The following ANKRD44 variants were observed in gnomAD, a reference collection of about 807,000 sequenced individuals.
ANKRD44 encodes serine/threonine-protein phosphatase 6 regulatory ankyrin repeat subunit B.
A neutral mutation model predicts 116.0 loss-of-function variants in ANKRD44; 35 were observed. The observed-to-expected ratio is 0.30, with a 90% confidence interval of 0.23 to 0.40. The LOEUF is 0.40. ANKRD44 is among the 10% of genes least tolerant of loss of function. ANKRD44 has a pLI of 1.00. For missense variants in ANKRD44, 1,014 were observed against 1,242.6 expected, an observed-to-expected ratio of 0.82 and a Z score of 2.77; for synonymous variants, 435 against 461.8, an observed-to-expected ratio of 0.94 and a Z score of 0.74.
At chr2:197,218,341 C>G (rs2125717165) in intron 1 of ANKRD44, among the ~76,000 whole-genome samples, 1 of 152,346 alleles carries the variant, frequency 6.6e-6, no homozygotes, top group South Asian at 2.1e-4. Flanking sequence ...CCCCTCCATT[C>G]TCCAGGGATG....
chr2:197,119,638 A>G (rs80239519), intron 8 of ANKRD44, among the ~76,000 whole-genome samples: 2,014 of 152,338 alleles, frequency 0.013, 19 homozygotes, highest in Non-Finnish European at 0.017. Flanking sequence ...GTGAAAAAAT[A>G]TAAGATTTTA....
At chr2:197,096,725 GCCTATTTTTCT>G (rs1486617528) in intron 10 of ANKRD44, among the ~76,000 whole-genome samples, 1 of 152,168 alleles carries the variant, frequency 6.6e-6, no homozygotes, top group South Asian at 2.1e-4. Context: ...TCTATGAAAG[GCCTATTTTTCT>G]CCTCTTTAAT....
At chr2:197,000,567 A>G (rs552297505) in intron 22 of ANKRD44, 65 bp from the exon 23 acceptor site, 14 of 1,253,546 alleles carry the variant, frequency 1.1e-5, no homozygotes, top group Admixed American at 1.7e-5. Context: ...CTCCTAACCC[A>G]TCTTCCTATG....
intron 1 of ANKRD44, among the ~76,000 whole-genome samples, chr2:197,241,153 C>G (rs2082082615): frequency 6.6e-6 from 1 of 151,964 alleles, no homozygotes; most frequent in Admixed American, 6.6e-5. Flanking sequence ...AGGGGAATGT[C>G]CTATAACCAG....
At chr2:197,003,982 A>AAC (rs368951897) in intron 21 of ANKRD44, among the ~76,000 whole-genome samples, 5,913 of 151,062 alleles carry the variant, frequency 0.039, 134 homozygotes, top group South Asian at 0.059. Flanking sequence ...ATATAATTAG[A>AAC]ACACACACAC....
At chr2:196,967,346 G>T (rs761614974) in exon 22 of ANKRD44, 1 of 455,402 alleles carries the variant, frequency 2.2e-6, no homozygotes, top group Non-Finnish European at 4.6e-6. Context: ...AACCCTTTGC[G>T]TTCTGTGGCT....
chr2:197,177,317 T>C (rs1198731492), intron 2 of ANKRD44, among the ~76,000 whole-genome samples: 2 of 152,220 alleles, frequency 1.3e-5, no homozygotes, highest in Non-Finnish European at 2.9e-5. Context: ...AATGTGATGA[T>C]GGTAGAAGAA....
Position 197,001,745 on chromosome 2 carries a change from C to T in ANKRD44, c.2435+8G>A. On this transcript the variant is annotated splice_region_variant and intron_variant, in intron 22 of 27. Transcript: ENST00000282272. ...GCAACATCATTAACTCTCAGCGTTT[C>T]TACTTACATTGCACAGTGCAGTGGA... 1 of 1,592,628 alleles carries T rather than the reference C, an allele frequency of 6.3e-7. No individual in the cohort carries two copies.
At chr2:197,218,825 T>C (rs2081515809) in intron 1 of ANKRD44, among the ~76,000 whole-genome samples, 1 of 134,084 alleles carries the variant, frequency 7.5e-6, no homozygotes, top group East Asian at 2.5e-4. Flanking sequence ...AGTGACACAA[T>C]CTTGGCCCAC....
At chr2:197,229,611 T>G (rs1010487121) in intron 1 of ANKRD44, among the ~76,000 whole-genome samples, 19 of 152,252 alleles carry the variant, frequency 1.2e-4, no homozygotes, top group African/African-American at 4.6e-4. Flanking sequence ...AGATAATATT[T>G]ATAAGCACTT....
chr2:197,084,052 A>AT (rs1031928866), intron 13 of ANKRD44, among the ~76,000 whole-genome samples: 2 of 152,036 alleles, frequency 1.3e-5, no homozygotes, highest in African/African-American at 2.4e-5. Context: ...TAAATGAAGA[A>AT]TTTTTTTTAA....
chr2:197,153,225 C>CA lies in ANKRD44; in HGVS notation c.112-6121dup, dbSNP rs75600123. On this transcript the variant is annotated intron_variant, in intron 2 of 27. Transcript: ENST00000282272. ...TCTGGGTGACAGAGCAAGACCCTGC[C>CA]AAAAAAAAAAAAAAAAAAAAAAGAA... is the stretch of plus-strand genomic sequence containing the variant. 4.6e-3 allele frequency among the ~76,000 whole-genome samples: 320 copies of CA among 69,308 alleles called. 18 individuals are homozygous for CA. The highest frequency in any genetic ancestry group is 0.016 in the African/African-American group (274 of 16,790). The allele number at this position is 69,308 out of a possible 152,430, so 45.5% of individuals were successfully genotyped here. A position where few individuals can be genotyped will look rare whatever the true frequency, so the allele number is the denominator to read the frequency against.
At chr2:197,127,995 A>C (rs188056200) in intron 4 of ANKRD44, among the ~76,000 whole-genome samples, 4 of 152,190 alleles carry the variant, frequency 2.6e-5, no homozygotes, top group Non-Finnish European at 4.4e-5. Context: ...AAAGGACATG[A>C]TATTGTTCCT....
chr2:196,987,481 CAT>C lies in ANKRD44; in HGVS notation c.*2108_*2109del, dbSNP rs2075850984. On this transcript the variant is annotated 3_prime_UTR_variant, in exon 28 of 28. Transcript: ENST00000282272. ...CGGATGAGTTCTTCAACCAACACAA[CAT>C]ATAAGCACACCAAGTTGCTCAACAG... is the stretch of plus-strand genomic sequence containing the variant. The C allele has an allele frequency of 2.0e-6, 2 of 985,306 alleles. No individual in the cohort carries two copies. The highest frequency in any genetic ancestry group is 2.4e-6 in the Non-Finnish European group (2 of 829,846). The allele number at this position is 985,306 out of a possible 1,614,324, so 61.0% of individuals were successfully genotyped here. A position where few individuals can be genotyped will look rare whatever the true frequency, so the allele number is the denominator to read the frequency against.
chr2:197,110,079 C>A (rs1264280857), intron 9 of ANKRD44, among the ~76,000 whole-genome samples: 2 of 152,040 alleles, frequency 1.3e-5, no homozygotes, highest in African/African-American at 2.4e-5. Flanking sequence ...CGAGTTCAAG[C>A]GATTCTCCTG....
At chr2:197,274,086 T>C (rs2083005589) in intron 1 of ANKRD44, among the ~76,000 whole-genome samples, 1 of 142,926 alleles carries the variant, frequency 7.0e-6, no homozygotes, top group Admixed American at 7.1e-5. Flanking sequence ...AGTATGTCAC[T>C]TCACACCAAC....
At chr2:197,103,007 A>G (rs2078332971) in intron 9 of ANKRD44, among the ~76,000 whole-genome samples, 1 of 152,080 alleles carries the variant, frequency 6.6e-6, no homozygotes, top group African/African-American at 2.4e-5. Context: ...AGGTGGGCAG[A>G]TCACAAGGTC....
chr2:197,215,344 T>C (rs932831573), intron 1 of ANKRD44, among the ~76,000 whole-genome samples: 10 of 152,224 alleles, frequency 6.6e-5, no homozygotes, highest in African/African-American at 2.4e-4. Context: ...TTTCTTGCTT[T>C]TGGTAGAGAA....
intron 1 of ANKRD44, among the ~76,000 whole-genome samples, chr2:197,289,079 A>G (rs1283307993): frequency 3.9e-5 from 6 of 152,228 alleles, no homozygotes; most frequent in Non-Finnish European, 8.8e-5. Context: ...ACGTATAGAA[A>G]TGATAAATAC....
Sources: gnomAD v4.1 joint callset for allele counts (sites outside exome capture counted in the v4.1 genomes callset) on GRCh38, gnomAD v4.1.1 for gene constraint, MANE v1.5 for transcripts, NCBI Gene and HGNC (gene_info 2026-07-23, HGNC 2026-07-21) for gene names.